Variants in VPS37A observed in about 807,000 individuals in gnomAD.
VPS37A encodes VPS37A subunit of ESCRT-I, also known as vacuolar protein sorting-associated protein 37A.
Under a neutral mutation model 49.8 loss-of-function variants are expected in VPS37A, and 30 were observed. The ratio of observed to expected loss-of-function variants is 0.60; its 90% CI spans 0.45 to 0.82. The LOEUF (loss-of-function observed/expected upper bound fraction) is 0.82. Among genes scored for constraint, VPS37A ranks in the 40% least tolerant of loss-of-function variants. The pLI is 0.00. For missense variants in VPS37A, 593 were observed against 464.4 expected, an observed-to-expected ratio of 1.28 and a Z score of -2.55; for synonymous variants, 195 against 160.6, an observed-to-expected ratio of 1.21 and a Z score of -1.62.
chr8:17,280,293 A>T lies in VPS37A; in HGVS notation c.896A>T (p.Asp299Val), dbSNP rs1814920674. ...GAAGCCAAAAGACAAACTGTTTTAG[A>T]TAAGGTGAGTTAGTGATAATTTTGA... ...SLEAKRQTVL[D>V]KYELLTQMKS... Residue 299 changes from aspartate to valine, a missense_variant, in exon 8 of 12, where the codon GAT becomes GTT. Coordinates refer to ENST00000324849, the MANE Select transcript of VPS37A (RefSeq NM_152415.3). 1 of 1,612,110 alleles carries T rather than the reference A, an allele frequency of 6.2e-7. No individual in the cohort carries two copies. Among genetic ancestry groups the T allele is most frequent in the Non-Finnish European group, 8.5e-7 (1 of 1,179,174 alleles).
the VPS37A span, among the ~76,000 whole-genome samples, chr8:17,329,660 G>T: frequency 6.6e-6 from 1 of 152,012 alleles, no homozygotes; most frequent in Non-Finnish European, 1.5e-5. Context: ...ATAACTTAAG[G>T]GTCCTGATAA....
intron 9 of VPS37A, among the ~76,000 whole-genome samples, chr8:17,281,342 A>G (rs1402366372): frequency 6.6e-6 from 1 of 152,000 alleles, no homozygotes; most frequent in Admixed American, 6.6e-5. Context: ...AACATTAGTT[A>G]GGAGTGTAAC....
In VPS37A at chr8:17,277,861, T is replaced by TACACACAC. The variant is rs67718316; in HGVS notation, c.713+1428_713+1435dup. ...ATTTCTCCCCAACTTTTCTCTTTTA[T>TACACACAC]ACACACACACACACACACACACACA... On this transcript the variant is annotated intron_variant, in intron 6 of 11. Transcript: ENST00000324849. 7.1e-3 allele frequency among the ~76,000 whole-genome samples: 999 copies of TACACACAC among 140,960 alleles called. 6 individuals carry two copies. Among genetic ancestry groups the TACACACAC allele is most frequent in the East Asian group, 0.014 (67 of 4,712 alleles). The allele number at this position is 140,960 out of a possible 152,430, so 92.5% of individuals were successfully genotyped here.
chr8:17,281,097 A>G (rs1815013769), intron 9 of VPS37A, among the ~76,000 whole-genome samples: 3 of 152,040 alleles, frequency 2.0e-5, no homozygotes, highest in Admixed American at 2.0e-4. Flanking sequence ...AAAGGAGAAT[A>G]TAAATTTATA....
intron 11 of VPS37A, among the ~76,000 whole-genome samples, chr8:17,291,764 G>T (rs531663479): frequency 1.2e-3 from 189 of 152,188 alleles, no homozygotes; most frequent in African/African-American, 4.3e-3. Context: ...AGGTTGTTCA[G>T]TTTCCATGTA....
At chr8:17,281,504 A>G (rs1441480769) in intron 9 of VPS37A, among the ~76,000 whole-genome samples, 1 of 152,004 alleles carries the variant, frequency 6.6e-6, no homozygotes, top group Non-Finnish European at 1.5e-5. Context: ...GAAATTTCTT[A>G]TTTGAAAAAG....
intron 1 of VPS37A, among the ~76,000 whole-genome samples, chr8:17,265,396 G>A (rs1330359079): frequency 6.6e-6 from 1 of 152,148 alleles, no homozygotes; most frequent in African/African-American, 2.4e-5. Context: ...ATAAAATCAG[G>A]CTTCTCTACT....
the VPS37A span, among the ~76,000 whole-genome samples, chr8:17,321,959 A>G: frequency 6.6e-6 from 1 of 152,194 alleles, no homozygotes; most frequent in Non-Finnish European, 1.5e-5. Context: ...TGCCTTAGGT[A>G]TTTCCTATAC....
At chr8:17,291,829 T>C (rs983037659) in intron 11 of VPS37A, among the ~76,000 whole-genome samples, 5 of 152,220 alleles carry the variant, frequency 3.3e-5, no homozygotes, top group African/African-American at 1.2e-4. Flanking sequence ...GATTGCAGTG[T>C]GGTCTGGGAG....
intron 11 of VPS37A, among the ~76,000 whole-genome samples, chr8:17,290,752 G>T (rs1203495283): frequency 6.6e-6 from 1 of 152,170 alleles, no homozygotes; most frequent in Non-Finnish European, 1.5e-5. Context: ...TAGAAGGAAT[G>T]GTACCAGCTT....
intron 4 of VPS37A, among the ~76,000 whole-genome samples, chr8:17,272,606 G>C (rs1328854025): frequency 6.6e-6 from 1 of 152,026 alleles, no homozygotes; most frequent in African/African-American, 2.4e-5. Flanking sequence ...AAAGCAGATT[G>C]GGTCAGAATT....
At chr8:17,286,659 C>T in intron 11 of VPS37A, 1 of 428,658 alleles carries the variant, frequency 2.3e-6, no homozygotes, top group Non-Finnish European at 4.1e-6. Context: ...ATTTTTTTAA[C>T]ATTAGCTGCT....
intron 2 of VPS37A, among the ~76,000 whole-genome samples, 175 bp from the exon 3 acceptor site, chr8:17,268,083 T>G (rs1020264510): frequency 1.3e-5 from 2 of 152,222 alleles, no homozygotes; most frequent in African/African-American, 4.8e-5. Flanking sequence ...GTTACCAAAT[T>G]TTAGTCTTAA....
Position 17,280,393 on chromosome 8 carries a change from A to T in VPS37A, c.919A>T (p.Met307Leu). The change falls in exon 9 of 12, where the codon ATG (methionine) becomes TTG (leucine). Residue 307 changes from methionine (M) to leucine (L), a missense_variant. By Grantham distance (15) the Met-to-Leu change is conservative (BLOSUM62 2). Coordinates refer to ENST00000324849, the MANE Select transcript of VPS37A (RefSeq NM_152415.3). ...CTTTTAGTATGAATTACTTACACAG[A>T]TGAAGTCCACTTTCGAAAAGAAGAT... The part of the protein sequence containing the change: ...VLDKYELLTQ[M>L]KSTFEKKMQR... 1 of 1,609,818 alleles carries T rather than the reference A, an allele frequency of 6.2e-7. No homozygotes were observed. Among genetic ancestry groups the T allele is most frequent in the Non-Finnish European group, 8.5e-7 (1 of 1,178,552 alleles).
At chr8:17,260,050 A>G (rs556485580) in intron 1 of VPS37A, among the ~76,000 whole-genome samples, 1 of 152,214 alleles carries the variant, frequency 6.6e-6, no homozygotes, top group South Asian at 2.1e-4. Flanking sequence ...TAATTGGAGA[A>G]TTTAGTCCAT....
At position 17,295,931 on chromosome 8, in the gene VPS37A, A is replaced by G. The variant is rs933383098; in HGVS notation, c.*945A>G. On this transcript the variant is annotated 3_prime_UTR_variant, in exon 12 of 12. Transcript: ENST00000324849. ...ATTTAATTGAGTGTTCTTGTATACT[A>G]CATTGAGCAGTTTGCTTCTATACCG... The G allele has an allele frequency of 1.3e-5, 2 of 152,188 alleles. No individual in the cohort carries two copies. The highest frequency in any genetic ancestry group is 4.8e-5 in the African/African-American group (2 of 41,440). The allele number at this position is 152,188 out of a possible 1,614,324, so 9.4% of individuals were successfully genotyped here.
rs1811279486 is a variant in VPS37A at position 17,247,019 on chromosome 8, C to T, written c.-226C>T. ...CGTCTGGGCCGTGAAGGTGGGACCT[C>T]CTGTTCCGGGCCGCAAGTTTCCCTC... On this transcript the variant is annotated 5_prime_UTR_variant, in exon 1 of 12. Transcript: ENST00000324849. 2 of 597,532 alleles carry T rather than the reference C, an allele frequency of 3.3e-6. No individual in the cohort carries two copies. Among genetic ancestry groups the T allele is most frequent in the African/African-American group, 1.9e-5 (1 of 53,494 alleles). 37.0% of individuals were successfully genotyped at this position (597,532 alleles called of 1,614,324 possible). A position where few individuals can be genotyped will look rare whatever the true frequency, so the allele number is the denominator to read the frequency against.
chr8:17,284,331 A>G (rs1274302584), intron 9 of VPS37A, 142 bp from the exon 10 acceptor site: 8 of 941,466 alleles, frequency 8.5e-6, no homozygotes, highest in Non-Finnish European at 1.0e-5. Context: ...GTGGGGCATT[A>G]TAAGACAGCA....
downstream of VPS37A, among the ~76,000 whole-genome samples, chr8:17,303,964 G>A (rs144550299): frequency 6.6e-6 from 1 of 152,160 alleles, no homozygotes; most frequent in African/African-American, 2.4e-5. Flanking sequence ...TGGTGCAAAA[G>A]TAATTGCGGT....
Sources: allele counts gnomAD v4.1 joint callset (sites outside exome capture counted in the v4.1 genomes callset), GRCh38; gene constraint gnomAD v4.1.1; transcripts MANE v1.5; gene names NCBI Gene and HGNC (gene_info 2026-07-23, HGNC 2026-07-21).